TNFSF15: variants seen among roughly 807,000 people sequenced by gnomAD.
TNFSF15 encodes TNF superfamily member 15.
In TNFSF15, 15 loss-of-function variants were observed where a neutral mutation model predicts 26.4. The observed-to-expected ratio is 0.57, with a 90% CI of 0.38 to 0.87. TNFSF15 has a LOEUF of 0.87. Among genes scored for constraint, TNFSF15 ranks in the 40% least tolerant of loss-of-function variants. The pLI is 0.00. For synonymous variants in TNFSF15, 116 were observed against 115.0 expected, an observed-to-expected ratio of 1.01 and a Z score of -0.06; for missense variants, 290 against 306.1, an observed-to-expected ratio of 0.95 and a Z score of 0.39.
At position 114,787,584 on chromosome 9, in the gene TNFSF15, T is replaced by G. The variant is rs1302858789; in HGVS notation, c.*2868A>C. The G allele has an allele frequency of 6.5e-6, 1 of 152,758 alleles. No individual in the cohort carries two copies. Among genetic ancestry groups the G allele is most frequent in the Non-Finnish European group, 1.5e-5 (1 of 68,026 alleles). The allele number at this position is 152,758 out of a possible 1,614,324, so 9.5% of individuals were successfully genotyped here. A position where few individuals can be genotyped will look rare whatever the true frequency, so the allele number is the denominator to read the frequency against. On this transcript the variant is annotated 3_prime_UTR_variant, in exon 4 of 4. Coordinates refer to ENST00000374045, the MANE Select transcript of TNFSF15 (RefSeq NM_005118.4). ...TTTCTAAAGCATGCTTCTTCCTCCCTCCCAAACCCTGAATACACCCCATTA... is the reference window on the plus strand; with the variant it reads ...TTTCTAAAGCATGCTTCTTCCTCCCGCCCAAACCCTGAATACACCCCATTA...
In TNFSF15 at chr9:114,789,553, A is replaced by G. The variant is rs915041305; in HGVS notation, c.*899T>C. ...GGTCTTGAACTCCCGGCCTTAGATGATCCACCCACCTTGGCCTCCCAAAGT... is the reference window on the plus strand; with the variant it reads ...GGTCTTGAACTCCCGGCCTTAGATGGTCCACCCACCTTGGCCTCCCAAAGT... On this transcript the variant is annotated 3_prime_UTR_variant, in exon 4 of 4. Coordinates refer to ENST00000374045, the MANE Select transcript of TNFSF15 (RefSeq NM_005118.4). 6.6e-6 allele frequency: 1 copy of G among 152,192 alleles called. No homozygotes were observed. The highest frequency in any genetic ancestry group is 1.5e-5 in the Non-Finnish European group (1 of 68,102). The allele number at this position is 152,192 out of a possible 1,614,324, so 9.4% of individuals were successfully genotyped here. A position where few individuals can be genotyped will look rare whatever the true frequency, so the allele number is the denominator to read the frequency against.
At chr9:114,804,816 T>C (rs1829796270) in intron 1 of TNFSF15, among the ~76,000 whole-genome samples, 1 of 152,270 alleles carries the variant, frequency 6.6e-6, no homozygotes, top group Non-Finnish European at 1.5e-5. Context: ...GGCTTACTTG[T>C]GGTGTCTATG....
At position 114,788,572 on chromosome 9, in the gene TNFSF15, T is replaced by G. The variant is rs894978454; in HGVS notation, c.*1880A>C. ...TGCTCAGGAGCCTCTCAAATGCCTC[T>G]CTGCCTCTATAGTCTACTGGAAACC... On this transcript the variant is annotated 3_prime_UTR_variant, in exon 4 of 4. Coordinates refer to ENST00000374045, the MANE Select transcript of TNFSF15 (RefSeq NM_005118.4). 2 of 152,258 alleles carry G rather than the reference T, an allele frequency of 1.3e-5. No individual in the cohort carries two copies. Among genetic ancestry groups the G allele is most frequent in the African/African-American group, 4.8e-5 (2 of 41,476 alleles). The allele number at this position is 152,258 out of a possible 1,614,324, so 9.4% of individuals were successfully genotyped here. A position where few individuals can be genotyped will look rare whatever the true frequency, so the allele number is the denominator to read the frequency against.
In TNFSF15 at chr9:114,793,422, A is replaced by T. The variant is rs1829634005; in HGVS notation, c.253+104T>A. 5 of 1,374,446 alleles carry T rather than the reference A, an allele frequency of 3.6e-6. No homozygotes were observed. The Admixed American group carries it at 6.9e-5, about 19-fold the overall frequency. 85.1% of individuals were successfully genotyped at this position (1,374,446 alleles called of 1,614,324 possible). On this transcript the variant is annotated intron_variant, in intron 2 of 3. Coordinates refer to ENST00000374045, the MANE Select transcript of TNFSF15 (RefSeq NM_005118.4). ...CCTCTGGATTTGCATCCCTCAGCTT[A>T]GCAACTTGTACTTAAAGACTCATCT...
chr9:114,793,884 T>A lies in TNFSF15; in HGVS notation c.211-316A>T, dbSNP rs74554140. Among the ~76,000 whole-genome samples, 623 of 152,360 alleles carry A rather than the reference T, an allele frequency of 4.1e-3. 5 individuals carry two copies. The highest frequency in any genetic ancestry group is 0.014 in the African/African-American group (586 of 41,582). On this transcript the variant is annotated intron_variant, in intron 1 of 3. Transcript: ENST00000374045. ...CAGCATCTTGTCTATGCTTTTGTTA[T>A]TTGAACAAATAATGGCACTTGCTTT...
At position 114,792,481 on chromosome 9, in the gene TNFSF15, G is replaced by C. The variant is rs545473100; in HGVS notation, c.254-27C>G. 3.7e-6 allele frequency: 6 copies of C among 1,613,996 alleles called. No individual in the cohort carries two copies. The Admixed American group carries it at 5.0e-5, about 13-fold the overall frequency. ...TGTAACAAAAGGAGAAATGTGCTTT[G>C]TATGAGACAAAGGGTGACTGAAATG... On this transcript the variant is annotated intron_variant, in intron 2 of 3. Coordinates refer to ENST00000374045, the MANE Select transcript of TNFSF15 (RefSeq NM_005118.4).
chr9:114,785,063 T>C lies in TNFSF15; in HGVS notation c.*5389A>G, dbSNP rs1829475413. On this transcript the variant is annotated 3_prime_UTR_variant, in exon 4 of 4. Transcript: ENST00000374045. Reference sequence around the variant, plus strand: ...GAGTAGGACTTGCCTGTCGCATTCCTTCTCAGCTCTCCAGTATCCAGGCAA... The same window carrying C: ...GAGTAGGACTTGCCTGTCGCATTCCCTCTCAGCTCTCCAGTATCCAGGCAA... The C allele has an allele frequency of 6.6e-6, 1 of 152,276 alleles. No individual in the cohort carries two copies. The highest frequency in any genetic ancestry group is 1.5e-5 in the Non-Finnish European group (1 of 68,046). The allele number at this position is 152,276 out of a possible 1,614,324, so 9.4% of individuals were successfully genotyped here.
At chr9:114,797,703 T>A (rs1240294845) in intron 1 of TNFSF15, among the ~76,000 whole-genome samples, 1 of 152,182 alleles carries the variant, frequency 6.6e-6, no homozygotes, top group African/African-American at 2.4e-5. Context: ...ACCGAAGAGG[T>A]GTTGGCTCCT....
At chr9:114,800,870 C>T (rs2131306863) in intron 1 of TNFSF15, among the ~76,000 whole-genome samples, 1 of 152,296 alleles carries the variant, frequency 6.6e-6, no homozygotes, top group East Asian at 1.9e-4. Flanking sequence ...GTCTGTGTGA[C>T]TCTGAAGCCC....
chr9:114,800,452 C>T (rs1829731285), intron 1 of TNFSF15, among the ~76,000 whole-genome samples: 1 of 152,080 alleles, frequency 6.6e-6, no homozygotes. Context: ...CTGCCTATCC[C>T]AGGAGGTGAA....
chr9:114,794,556 G>T (rs1204971907), intron 1 of TNFSF15, among the ~76,000 whole-genome samples: 3 of 152,060 alleles, frequency 2.0e-5, no homozygotes, highest in Non-Finnish European at 4.4e-5. Context: ...ATATCAAAGG[G>T]ATACTTGCGC....
chr9:114,792,397 G>A lies in TNFSF15; in HGVS notation c.301+10C>T. ...CATGGTCTCCCGTAAAACACAGCAG[G>A]GAGGCTTACCTGTCAGGTGTGCCCT... On this transcript the variant is annotated intron_variant, in intron 3 of 3. Transcript: ENST00000374045. The A allele has an allele frequency of 6.2e-7, 1 of 1,613,732 alleles. No homozygotes were observed. The highest frequency in any genetic ancestry group is 8.5e-7 in the Non-Finnish European group (1 of 1,179,828).
intron 1 of TNFSF15, among the ~76,000 whole-genome samples, chr9:114,801,264 C>T (rs961205060): frequency 2.0e-5 from 3 of 152,112 alleles, no homozygotes; most frequent in Non-Finnish European, 2.9e-5. Context: ...GGCACCTGGG[C>T]CCAGAGTAAG....
In TNFSF15 at chr9:114,785,338, T is replaced by C. The variant is rs904882257; in HGVS notation, c.*5114A>G. The C allele has an allele frequency of 6.6e-6, 1 of 152,218 alleles. No homozygotes were observed. Among genetic ancestry groups the C allele is most frequent in the African/African-American group, 2.4e-5 (1 of 41,438 alleles). 9.4% of individuals were successfully genotyped at this position (152,218 alleles called of 1,614,324 possible). A position where few individuals can be genotyped will look rare whatever the true frequency, so the allele number is the denominator to read the frequency against. ...GTCATTTCTAAAATTCCATGACATTTCTCTATTGGCCAAGATCTTAGGGGT... is the reference window on the plus strand; with the variant it reads ...GTCATTTCTAAAATTCCATGACATTCCTCTATTGGCCAAGATCTTAGGGGT... On this transcript the variant is annotated 3_prime_UTR_variant, in exon 4 of 4. Coordinates refer to ENST00000374045, the MANE Select transcript of TNFSF15 (RefSeq NM_005118.4).
Position 114,790,708 on chromosome 9 carries a change from T to A in TNFSF15, c.500A>T (p.Gln167Leu). ...GMTSECSEIR[Q>L]AGRPNKPDSI... ...GTCTGGCTTGTTTGGTCGGCCTGCT[T>A]GTCTGATTTCACTGCACTCAGAGGT... Residue 167 changes from glutamine (Q) to leucine (L), a missense_variant, in exon 4 of 4, where the codon CAA becomes CTA. Gln to Leu is a moderately radical substitution (Grantham distance 113, BLOSUM62 -2). Around this residue, in one of 3 missense-constraint regions of TNFSF15, gnomAD observed 102 missense variants for 114.7 expected, o/e 0.89. Coordinates refer to ENST00000374045, the MANE Select transcript of TNFSF15 (RefSeq NM_005118.4). 6.2e-7 allele frequency: 1 copy of A among 1,614,050 alleles called. No homozygotes were observed. Among genetic ancestry groups the A allele is most frequent in the Non-Finnish European group, 8.5e-7 (1 of 1,180,004 alleles).
Position 114,790,548 on chromosome 9 carries a change from C to A in TNFSF15, c.660G>T (p.Leu220Phe). Residue 220 changes from leucine to phenylalanine, a missense_variant, in exon 4 of 4, where the codon TTG (leucine) becomes TTT (phenylalanine). Coordinates refer to ENST00000374045, the MANE Select transcript of TNFSF15 (RefSeq NM_005118.4). ...QPIYLGAMFS[L>F]QEGDKLMVNV... ...TCACCATTAGCTTGTCCCCTTCTTG[C>A]AAGGAGAACATGGCTCCGAGGTAGA... 1 of 1,614,104 alleles carries A rather than the reference C, an allele frequency of 6.2e-7. No homozygotes were observed. The highest frequency in any genetic ancestry group is 8.5e-7 in the Non-Finnish European group (1 of 1,180,026).
intron 1 of TNFSF15, among the ~76,000 whole-genome samples, chr9:114,795,547 A>T (rs1829663053): frequency 6.6e-6 from 1 of 152,240 alleles, no homozygotes; most frequent in South Asian, 2.1e-4. Flanking sequence ...TAGGTATCAC[A>T]AGCAATCTAT....
At position 114,784,900 on chromosome 9, in the gene TNFSF15, A is replaced by G. The variant is rs567903105; in HGVS notation, c.*5552T>C. On this transcript the variant is annotated 3_prime_UTR_variant, in exon 4 of 4. Coordinates refer to ENST00000374045, the MANE Select transcript of TNFSF15 (RefSeq NM_005118.4). ...CCACATAAACACCTACACTTCTTCAATCTGTACACCCCTGAAACAAAAAAA... is the reference window on the plus strand; with the variant it reads ...CCACATAAACACCTACACTTCTTCAGTCTGTACACCCCTGAAACAAAAAAA... 2 of 151,320 alleles carry G rather than the reference A, an allele frequency of 1.3e-5. No individual in the cohort carries two copies. Among genetic ancestry groups the G allele is most frequent in the African/African-American group, 4.8e-5 (2 of 41,496 alleles). The allele number at this position is 151,320 out of a possible 1,614,324, so 9.4% of individuals were successfully genotyped here.
intron 1 of TNFSF15, among the ~76,000 whole-genome samples, chr9:114,802,531 A>T (rs186842002): frequency 6.6e-6 from 1 of 152,208 alleles, no homozygotes; most frequent in Non-Finnish European, 1.5e-5. Context: ...GATTACAGGC[A>T]TGAGCCACTG....
Sources: allele counts gnomAD v4.1 joint callset (sites outside exome capture counted in the v4.1 genomes callset), GRCh38; gene constraint gnomAD v4.1.1; regional missense constraint gnomAD v4.1.1; transcripts MANE v1.5; gene names NCBI Gene and HGNC (gene_info 2026-07-23, HGNC 2026-07-21).